The following TNR variants were observed in gnomAD, a reference collection of about 807,000 sequenced individuals.
TNR encodes tenascin R.
TNR carries 45 observed loss-of-function variants against 150.4 expected under a neutral mutation model. That is an observed-to-expected ratio of 0.30 (90% CI 0.24 to 0.38). TNR has a LOEUF of 0.38. Among genes scored for constraint, TNR ranks in the 10% least tolerant of loss-of-function variants. The probability of loss-of-function intolerance (pLI) is 1.00; values close to 1 mark genes in which losing one functional copy is unlikely to be tolerated. For synonymous variants in TNR, 687 were observed against 678.4 expected (o/e 1.01, Z -0.20); for missense variants, 1,544 against 1,759.1 (o/e 0.88, Z 2.19).
At chr1:175,508,372 C>T (rs976032085) in intron 2 of TNR, among the ~76,000 whole-genome samples, 2 of 152,146 alleles carry the variant, frequency 1.3e-5, no homozygotes, top group Non-Finnish European at 2.9e-5. Context: ...TTGGGATGGT[C>T]CCCAGTCATG....
intron 2 of TNR, among the ~76,000 whole-genome samples, chr1:175,467,015 G>T (rs1206394332): frequency 6.6e-6 from 1 of 152,116 alleles, no homozygotes; most frequent in African/African-American, 2.4e-5. Flanking sequence ...TAGAGGCTGG[G>T]ATTCCAGGGC....
intron 2 of TNR, among the ~76,000 whole-genome samples, chr1:175,477,040 T>G (rs192321458): frequency 6.6e-6 from 1 of 152,176 alleles, no homozygotes; most frequent in Non-Finnish European, 1.5e-5. Context: ...GGCTCTTAAA[T>G]GTTTCTGTAT....
chr1:175,646,710 C>T (rs551864577), intron 1 of TNR, among the ~76,000 whole-genome samples: 67 of 152,300 alleles, frequency 4.4e-4, no homozygotes, highest in African/African-American at 8.4e-4. Context: ...GTCTACCTTA[C>T]GGCAGCAATC....
intron 1 of TNR, among the ~76,000 whole-genome samples, chr1:175,657,992 C>T (rs1665244487): frequency 6.7e-6 from 1 of 150,040 alleles, no homozygotes; most frequent in African/African-American, 2.5e-5. Context: ...GCAAGAGCAA[C>T]CCCCCTACCT....
chr1:175,336,442 C>T (rs1490408330), intron 19 of TNR, among the ~76,000 whole-genome samples: 1 of 152,212 alleles, frequency 6.6e-6, no homozygotes, highest in Non-Finnish European at 1.5e-5. Context: ...CCATTTTGCA[C>T]CAGGAAACAT....
chr1:175,711,436 C>T (rs1667011337), intron 1 of TNR, among the ~76,000 whole-genome samples: 1 of 152,082 alleles, frequency 6.6e-6, no homozygotes, highest in African/African-American at 2.4e-5. Flanking sequence ...AGAGAGGGTG[C>T]AGGCAATGGG....
At chr1:175,665,109 A>C (rs1222536065) in intron 1 of TNR, among the ~76,000 whole-genome samples, 1 of 152,244 alleles carries the variant, frequency 6.6e-6, no homozygotes, top group Admixed American at 6.5e-5. Context: ...TGGTCTTCTA[A>C]ATGCTGGACA....
At chr1:175,607,189 TTGCCAATGG>T (rs1400621002) in intron 1 of TNR, among the ~76,000 whole-genome samples, 6 of 152,212 alleles carry the variant, frequency 3.9e-5, no homozygotes, top group Non-Finnish European at 5.9e-5. Flanking sequence ...TATGTTTCCT[TTGCCAATGG>T]TGGACAATTG....
At chr1:175,565,295 T>A (rs749968243) in intron 1 of TNR, among the ~76,000 whole-genome samples, 4 of 152,060 alleles carry the variant, frequency 2.6e-5, no homozygotes, top group Non-Finnish European at 2.9e-5. Context: ...TCCACTCCCA[T>A]CCCCACCAGA....
At chr1:175,728,211 G>A (rs7540054) in intron 1 of TNR, among the ~76,000 whole-genome samples, 7,813 of 152,218 alleles carry the variant, frequency 0.051, 614 homozygotes, top group African/African-American at 0.17. Context: ...CCAGGGTGAG[G>A]CTATGGATGG....
At chr1:175,333,563 G>A (rs944783875) in intron 20 of TNR, 1 of 152,144 alleles carries the variant, frequency 6.6e-6, no homozygotes, top group African/African-American at 2.4e-5. Context: ...GATTTAATAT[G>A]CATTCCATTA....
chr1:175,589,001 G>C (rs911074231), intron 1 of TNR, among the ~76,000 whole-genome samples: 6 of 152,042 alleles, frequency 3.9e-5, no homozygotes, highest in Non-Finnish European at 7.4e-5. Context: ...CCAACCTTCT[G>C]CCTGGGGGAT....
At chr1:175,668,738 G>A (rs1298652754) in intron 1 of TNR, among the ~76,000 whole-genome samples, 2 of 152,272 alleles carry the variant, frequency 1.3e-5, no homozygotes, top group South Asian at 4.1e-4. Flanking sequence ...GATCTCAAGA[G>A]CTCTACAAAG....
chr1:175,674,267 C>G (rs1665790893), intron 1 of TNR, among the ~76,000 whole-genome samples: 1 of 152,170 alleles, frequency 6.6e-6, no homozygotes, highest in Non-Finnish European at 1.5e-5. Context: ...GATGAATGCT[C>G]ATTTTCTTTT....
chr1:175,708,308 C>A (rs1467939369), intron 1 of TNR, among the ~76,000 whole-genome samples: 1 of 152,116 alleles, frequency 6.6e-6, no homozygotes, highest in Non-Finnish European at 1.5e-5. Flanking sequence ...GAAGCCTTCC[C>A]TGAACCCTCC....
At chr1:175,327,107 A>G (rs947909904) in intron 21 of TNR, among the ~76,000 whole-genome samples, 2 of 152,042 alleles carry the variant, frequency 1.3e-5, no homozygotes, top group African/African-American at 4.8e-5. Context: ...GTCTCCACCC[A>G]CATCCTATCT....
At chr1:175,604,204 G>A (rs1206698548) in intron 1 of TNR, among the ~76,000 whole-genome samples, 1 of 152,100 alleles carries the variant, frequency 6.6e-6, no homozygotes, top group Non-Finnish European at 1.5e-5. Context: ...CACGCTGCTA[G>A]CCAGCTACAT....
intron 15 of TNR, among the ~76,000 whole-genome samples, chr1:175,359,139 CTTTTT>C (rs758610631): frequency 8.5e-4 from 36 of 42,148 alleles, no homozygotes; most frequent in Non-Finnish European, 4.3e-4. Context: ...GGGATATCTT[CTTTTT>C]TTTTTTTTTT....
At chr1:175,684,217 C>T (rs539990804) in intron 1 of TNR, among the ~76,000 whole-genome samples, 3 of 152,308 alleles carry the variant, frequency 2.0e-5, no homozygotes, top group Middle Eastern at 3.4e-3. Context: ...TATGAAGCCA[C>T]TCATCTGTTC....
Sources: allele counts gnomAD v4.1 joint callset (sites outside exome capture counted in the v4.1 genomes callset), GRCh38; gene constraint gnomAD v4.1.1; transcripts MANE v1.5; gene names NCBI Gene and HGNC (gene_info 2026-07-23, HGNC 2026-07-21).